TUSC3: variants seen among roughly 807,000 people sequenced by gnomAD.
TUSC3 encodes the protein dolichyl-diphosphooligosaccharide--protein glycosyltransferase subunit TUSC3.
A neutral mutation model predicts 44.8 loss-of-function variants in TUSC3; 45 were observed. The ratio of observed to expected loss-of-function variants is 1.00; its 90% CI spans 0.79 to 1.29. The LOEUF is 1.29. TUSC3 is among the 50% of genes most tolerant of loss of function. The pLI, the probability that TUSC3 is intolerant of heterozygous loss-of-function variation, is 0.00. For missense variants in TUSC3, 519 were observed against 437.9 expected, an observed-to-expected ratio of 1.19 and a Z score of -1.65; for synonymous variants, 212 against 152.9, an observed-to-expected ratio of 1.39 and a Z score of -2.85.
intron 2 of TUSC3, among the ~76,000 whole-genome samples, chr8:15,526,415 G>T (rs141749329): frequency 3.7e-4 from 56 of 152,228 alleles, no homozygotes; most frequent in African/African-American, 1.3e-3. Flanking sequence ...ATATGATTTT[G>T]CTGTGTTCCT....
At chr8:15,800,163 G>A in the TUSC3 span, among the ~76,000 whole-genome samples, 26 of 152,206 alleles carry the variant, frequency 1.7e-4, no homozygotes, top group African/African-American at 5.5e-4. Flanking sequence ...CAGAACACAG[G>A]GCAATCAGTG....
intron 2 of TUSC3, among the ~76,000 whole-genome samples, chr8:15,648,643 G>A (rs889724105): frequency 7.6e-5 from 11 of 144,398 alleles, no homozygotes; most frequent in Middle Eastern, 3.7e-3. Context: ...GGAGAATGGC[G>A]TCAACCCAGG....
chr8:15,451,726 A>C (rs1036705061), intron 1 of TUSC3, among the ~76,000 whole-genome samples: 2 of 152,104 alleles, frequency 1.3e-5, no homozygotes, highest in Non-Finnish European at 2.9e-5. Context: ...CTGGGCTTGC[A>C]ATCGATGGGG....
At chr8:15,496,592 T>C (rs1800883487) in intron 2 of TUSC3, among the ~76,000 whole-genome samples, 1 of 152,166 alleles carries the variant, frequency 6.6e-6, no homozygotes, top group Non-Finnish European at 1.5e-5. Flanking sequence ...CTCAGCACAT[T>C]TCCAGCTGGG....
intron 7 of TUSC3, 133 bp from the exon 8 acceptor site, chr8:15,743,405 T>A (rs1042230200): frequency 1.1e-6 from 1 of 895,426 alleles, no homozygotes; most frequent in Admixed American, 1.8e-5. Context: ...TTATGTTATA[T>A]AAAGGTAATT....
At chr8:15,633,455 C>G (rs1044164810) in intron 2 of TUSC3, among the ~76,000 whole-genome samples, 4 of 152,094 alleles carry the variant, frequency 2.6e-5, no homozygotes, top group African/African-American at 9.7e-5. Flanking sequence ...TTCTTAACCC[C>G]CAGGTAGCCC....
chr8:15,609,155 C>G (rs920446715), intron 1 of TUSC3, among the ~76,000 whole-genome samples: 5 of 152,164 alleles, frequency 3.3e-5, no homozygotes, highest in African/African-American at 1.2e-4. Context: ...AAAAAATTAA[C>G]TCAATTTTAC....
At chr8:15,633,562 G>T (rs375350818) in intron 2 of TUSC3, among the ~76,000 whole-genome samples, 5 of 152,128 alleles carry the variant, frequency 3.3e-5, no homozygotes, top group East Asian at 3.9e-4. Context: ...CAATATGACC[G>T]ATGCCATATC....
At chr8:15,790,997 G>T in the TUSC3 span, among the ~76,000 whole-genome samples, 2 of 152,050 alleles carry the variant, frequency 1.3e-5, no homozygotes, top group African/African-American at 2.4e-5. Flanking sequence ...TTACACTACC[G>T]TATGGGGCAA....
chr8:15,815,663 G>C, the TUSC3 span, among the ~76,000 whole-genome samples: 1 of 152,100 alleles, frequency 6.6e-6, no homozygotes, highest in Non-Finnish European at 1.5e-5. Context: ...ACAGAGCTCT[G>C]ACTTTCTAAT....
intron 1 of TUSC3, among the ~76,000 whole-genome samples, chr8:15,418,097 C>T (rs139516604): frequency 1.3e-5 from 2 of 152,246 alleles, no homozygotes; most frequent in Admixed American, 6.5e-5. Context: ...TATTTTATGT[C>T]AAGGAAACCA....
the TUSC3 span, among the ~76,000 whole-genome samples, chr8:15,845,251 A>G: frequency 6.6e-6 from 1 of 152,208 alleles, no homozygotes; most frequent in East Asian, 1.9e-4. Flanking sequence ...TTCTGCTCCA[A>G]CCAGGTAGCC....
intron 1 of TUSC3, among the ~76,000 whole-genome samples, chr8:15,449,056 A>G (rs1800158870): frequency 6.6e-6 from 1 of 152,186 alleles, no homozygotes; most frequent in Non-Finnish European, 1.5e-5. Flanking sequence ...GGACATCTAT[A>G]AATTTAGAAA....
chr8:15,679,548 A>G (rs139846737), intron 6 of TUSC3, among the ~76,000 whole-genome samples: 46 of 152,130 alleles, frequency 3.0e-4, no homozygotes, highest in African/African-American at 6.7e-4. Flanking sequence ...TAGGTTGTCA[A>G]TTTACTCAAT....
At chr8:15,751,326 CAG>C (rs1225729329) in intron 9 of TUSC3, among the ~76,000 whole-genome samples, 1 of 152,160 alleles carries the variant, frequency 6.6e-6, no homozygotes, top group African/African-American at 2.4e-5. Flanking sequence ...CATTCAACAA[CAG>C]AAATCCATTG....
At chr8:15,790,064 TTTAA>T in the TUSC3 span, among the ~76,000 whole-genome samples, 1 of 152,138 alleles carries the variant, frequency 6.6e-6, no homozygotes, top group Admixed American at 6.6e-5. Flanking sequence ...TATACTCACT[TTTAA>T]TTATTTGCAA....
chr8:15,568,614 T>TC (rs1331484131), intron 1 of TUSC3, among the ~76,000 whole-genome samples: 1 of 151,934 alleles, frequency 6.6e-6, no homozygotes, highest in African/African-American at 2.4e-5. Context: ...TCTTTTTTTT[T>TC]TTTTTTCCTG....
chr8:15,758,880 C>T (rs1812048569), intron 10 of TUSC3, among the ~76,000 whole-genome samples: 2 of 151,958 alleles, frequency 1.3e-5, no homozygotes, highest in Non-Finnish European at 2.9e-5. Flanking sequence ...AGCTTCCATT[C>T]CCAGAGATGT....
chr8:15,612,236 G>C (rs987700265), intron 1 of TUSC3, among the ~76,000 whole-genome samples: 2 of 152,126 alleles, frequency 1.3e-5, no homozygotes, highest in African/African-American at 4.8e-5. Flanking sequence ...AAACAAACAC[G>C]TGAATAGCTG....
Sources: gnomAD v4.1 joint callset for allele counts (sites outside exome capture counted in the v4.1 genomes callset) on GRCh38, gnomAD v4.1.1 for gene constraint, MANE v1.5 for transcripts, NCBI Gene and HGNC (gene_info 2026-07-23, HGNC 2026-07-21) for gene names.